Variants in CTNNA3 observed in about 807,000 individuals in gnomAD.
CTNNA3 encodes catenin alpha-3.
CTNNA3 carries 76 observed loss-of-function variants against 95.7 expected under a neutral mutation model. The observed-to-expected ratio is 0.79, with a 90% confidence interval of 0.66 to 0.96. CTNNA3 has a LOEUF of 0.96. Among genes scored for constraint, CTNNA3 ranks in the 40% least tolerant of loss-of-function variants. The pLI is 0.00. For synonymous variants in CTNNA3, 431 were observed against 374.4 expected, an observed-to-expected ratio of 1.15 and a Z score of -1.74; for missense variants, 1,191 against 1,089.8, an observed-to-expected ratio of 1.09 and a Z score of -1.31.
At chr10:67,090,314 C>T (rs1364871096) in intron 7 of CTNNA3, among the ~76,000 whole-genome samples, 6 of 152,098 alleles carry the variant, frequency 3.9e-5, no homozygotes, top group East Asian at 1.9e-4. Context: ...TCATAAACTA[C>T]GTTTCTTTCC....
chr10:66,827,106 A>G (rs1589299717), intron 7 of CTNNA3, among the ~76,000 whole-genome samples: 1 of 152,210 alleles, frequency 6.6e-6, no homozygotes, highest in African/African-American at 2.4e-5. Context: ...TGAAGGTGGC[A>G]CAGGCTCCAG....
intron 5 of CTNNA3, among the ~76,000 whole-genome samples, chr10:67,289,229 G>T (rs1839729317): frequency 6.6e-6 from 1 of 152,120 alleles, no homozygotes; most frequent in Non-Finnish European, 1.5e-5. Flanking sequence ...TACTATATGA[G>T]TCAGGATTAT....
intron 13 of CTNNA3, among the ~76,000 whole-genome samples, chr10:66,228,334 G>A (rs770349079): frequency 6.6e-6 from 1 of 151,824 alleles, no homozygotes; most frequent in Non-Finnish European, 1.5e-5. Flanking sequence ...TGCTTTTGCT[G>A]TATCTCACAG....
chr10:67,589,876 C>T (rs1842742165), intron 3 of CTNNA3, among the ~76,000 whole-genome samples: 1 of 152,038 alleles, frequency 6.6e-6, no homozygotes, highest in African/African-American at 2.4e-5. Flanking sequence ...ACTTGTTACA[C>T]ACAGATCATT....
intron 8 of CTNNA3, among the ~76,000 whole-genome samples, chr10:66,771,026 G>C (rs192681905): frequency 3.3e-5 from 5 of 152,164 alleles, no homozygotes. Flanking sequence ...AATGTTATTT[G>C]ATGATGAGGA....
At chr10:66,364,385 A>T (rs997365003) in intron 12 of CTNNA3, among the ~76,000 whole-genome samples, 6 of 152,012 alleles carry the variant, frequency 3.9e-5, no homozygotes, top group Admixed American at 1.3e-4. Context: ...TCAATTTTTT[A>T]AAAAATTATT....
rs71474007 is a variant in CTNNA3 at position 66,024,085 on chromosome 10, A to ATTTTTTTTTTTTTT, written c.2160-35302_2160-35289dup. Among the ~76,000 whole-genome samples the ATTTTTTTTTTTTTT allele has an allele frequency of 3.6e-4, 32 of 87,748 alleles. 5 individuals are homozygous for ATTTTTTTTTTTTTT. Among genetic ancestry groups the ATTTTTTTTTTTTTT allele is most frequent in the South Asian group, 5.0e-4 (1 of 1,992 alleles). 57.6% of individuals were successfully genotyped at this position (87,748 alleles called of 152,430 possible). On this transcript the variant is annotated intron_variant, in intron 15 of 17. Coordinates refer to ENST00000433211, the MANE Select transcript of CTNNA3 (RefSeq NM_013266.4). ...TATCACAGAAACTTATACCATACAC[A>ATTTTTTTTTTTTTT]TTTTTTTTTTTTTTTTTTTTTTGAG...
At chr10:67,306,411 C>A (rs1296026361) in intron 5 of CTNNA3, among the ~76,000 whole-genome samples, 1 of 152,110 alleles carries the variant, frequency 6.6e-6, no homozygotes, top group East Asian at 1.9e-4. Flanking sequence ...ATGCAAGTTG[C>A]AAGATAGGTG....
intron 2 of CTNNA3, among the ~76,000 whole-genome samples, chr10:67,640,491 T>C (rs910530919): frequency 2.6e-5 from 4 of 152,162 alleles, no homozygotes; most frequent in African/African-American, 9.7e-5. Flanking sequence ...CTTCACAGAA[T>C]TGGGAAAAAC....
chr10:67,310,007 G>T (rs1055051136), intron 5 of CTNNA3, among the ~76,000 whole-genome samples: 1 of 152,166 alleles, frequency 6.6e-6, no homozygotes, highest in Non-Finnish European at 1.5e-5. Flanking sequence ...GAACTTACGT[G>T]AAGTGTCTTA....
intron 2 of CTNNA3, among the ~76,000 whole-genome samples, chr10:67,616,554 C>T (rs567648296): frequency 6.6e-6 from 1 of 152,246 alleles, no homozygotes; most frequent in Admixed American, 6.5e-5. Context: ...GGTTTGCTGA[C>T]AGATTGAATA....
intron 5 of CTNNA3, among the ~76,000 whole-genome samples, chr10:67,351,780 C>A (rs1842647947): frequency 6.6e-6 from 1 of 151,876 alleles, no homozygotes; most frequent in African/African-American, 2.4e-5. Context: ...CTCAAATGGG[C>A]TATTTACTAT....
chr10:66,843,813 T>C (rs1239161377), intron 7 of CTNNA3, among the ~76,000 whole-genome samples: 2 of 152,216 alleles, frequency 1.3e-5, no homozygotes, highest in African/African-American at 4.8e-5. Context: ...TGAATTGTTT[T>C]TGGAACGTTG....
At chr10:67,568,142 T>C (rs1433253364) in intron 3 of CTNNA3, among the ~76,000 whole-genome samples, 1 of 152,006 alleles carries the variant, frequency 6.6e-6, no homozygotes, top group East Asian at 1.9e-4. Flanking sequence ...GTGCATAACA[T>C]ATGTACTTGT....
intron 5 of CTNNA3, among the ~76,000 whole-genome samples, chr10:67,475,980 G>A (rs368812684): frequency 6.6e-6 from 1 of 152,190 alleles, no homozygotes; most frequent in South Asian, 2.1e-4. Flanking sequence ...ATAGAAGATA[G>A]CTGCAGTGAT....
At chr10:66,089,484 C>T (rs1354860633) in intron 14 of CTNNA3, among the ~76,000 whole-genome samples, 1 of 151,524 alleles carries the variant, frequency 6.6e-6, no homozygotes, top group East Asian at 1.9e-4. Flanking sequence ...TCTATTCCCT[C>T]CCTGCAAATT....
At chr10:66,943,540 A>G (rs2132691007) in intron 7 of CTNNA3, among the ~76,000 whole-genome samples, 1 of 149,094 alleles carries the variant, frequency 6.7e-6, no homozygotes, top group Non-Finnish European at 1.5e-5. Flanking sequence ...TTTCAGTATT[A>G]GCATTGGCTT....
At chr10:65,998,082 G>T (rs189158669) in intron 15 of CTNNA3, among the ~76,000 whole-genome samples, 2 of 152,260 alleles carry the variant, frequency 1.3e-5, no homozygotes, top group Non-Finnish European at 2.9e-5. Context: ...ATGTTATCTT[G>T]GTTCCTAATG....
intron 7 of CTNNA3, among the ~76,000 whole-genome samples, chr10:66,812,242 G>A (rs561495134): frequency 6.6e-6 from 1 of 152,234 alleles, no homozygotes; most frequent in East Asian, 1.9e-4. Context: ...ATACATTGAG[G>A]ATAAAGGGAG....
Sources: allele counts gnomAD v4.1 joint callset (sites outside exome capture counted in the v4.1 genomes callset), GRCh38; gene constraint gnomAD v4.1.1; transcripts MANE v1.5; gene names NCBI Gene and HGNC (gene_info 2026-07-23, HGNC 2026-07-21).